The following NAE1 variants were observed in gnomAD, a reference collection of about 807,000 sequenced individuals.
NAE1 encodes the protein NEDD8-activating enzyme E1 regulatory subunit.
Under a neutral mutation model 88.0 loss-of-function variants are expected in NAE1, and 59 were observed. The ratio of observed to expected loss-of-function variants is 0.67; its 90% confidence interval spans 0.54 to 0.83. The LOEUF is 0.83. NAE1 is among the 40% of genes least tolerant of loss of function. The probability of loss-of-function intolerance (pLI) is 0.00; values close to 1 mark genes in which losing one functional copy is unlikely to be tolerated. For synonymous variants in NAE1, 186 were observed against 208.9 expected (o/e 0.89, Z 0.95); for missense variants, 554 against 632.8 (o/e 0.88, Z 1.34).
Position 66,826,672 on chromosome 16 carries a change from G to A in NAE1, c.157+5C>T, listed in dbSNP as rs772078070. On this transcript the variant is annotated splice_donor_5th_base_variant and intron_variant, in intron 2 of 19. Transcript: ENST00000290810. The stretch of plus-strand genomic sequence containing the variant: ...ATTTAGAACACAACCACAAACCTAC[G>A]TTACCTGGTAGTACCAAGTTTTTAA... 10 of 1,613,842 alleles carry A rather than the reference G, an allele frequency of 6.2e-6. No homozygotes were observed. Among genetic ancestry groups the A allele is most frequent in the South Asian group, 4.4e-5 (4 of 91,018 alleles).
At chr16:66,818,492 T>A in intron 8 of NAE1, 36 bp downstream of exon 8, 1 of 1,523,568 alleles carries the variant, frequency 6.6e-7, no homozygotes, top group Non-Finnish European at 8.9e-7. Flanking sequence ...ATGTTTTAAG[T>A]CTATCTGTAA....
chr16:66,808,639 A>G (rs766440475), intron 16 of NAE1, 26 bp from the exon 17 acceptor site: 1 of 1,470,512 alleles, frequency 6.8e-7, no homozygotes, highest in East Asian at 2.3e-5. Flanking sequence ...ATTTCAGTTT[A>G]ATTTGGTTAA....
chr16:66,806,472 T>C (rs1004657787), intron 17 of NAE1, among the ~76,000 whole-genome samples: 1 of 152,128 alleles, frequency 6.6e-6, no homozygotes, highest in Admixed American at 6.5e-5. Context: ...TTACCTAGGC[T>C]GGAGTGCAGT....
In NAE1 at chr16:66,830,904, G is replaced by C. The variant is rs747390722; in HGVS notation, c.-5C>G. ...CAGCTTTCCCAGCTGCGCCATGGCC[G>C]CGCCTGCCGCGCGGAAAACAGCCGA... On this transcript the variant is annotated 5_prime_UTR_variant, in exon 1 of 20. Coordinates refer to ENST00000290810, the MANE Select transcript of NAE1 (RefSeq NM_003905.4). 5 of 1,531,716 alleles carry C rather than the reference G, an allele frequency of 3.3e-6. No homozygotes were observed. Among genetic ancestry groups the C allele is most frequent in the East Asian group, 2.6e-5 (1 of 37,752 alleles). The allele number at this position is 1,531,716 out of a possible 1,614,324, so 94.9% of individuals were successfully genotyped here.
intron 9 of NAE1, 140 bp from the exon 10 acceptor site, chr16:66,817,168 GA>G: frequency 8.4e-7 from 1 of 1,184,864 alleles, no homozygotes; most frequent in South Asian, 1.6e-5. Context: ...TCACTTGATA[GA>G]AAACAGACAC....
intron 11 of NAE1, among the ~76,000 whole-genome samples, chr16:66,816,134 T>G (rs1335376860): frequency 6.6e-6 from 1 of 152,084 alleles, no homozygotes; most frequent in Non-Finnish European, 1.5e-5. Context: ...CCCCAAAAAC[T>G]TCAATGGTCA....
chr16:66,807,379 C>T (rs910307048), intron 17 of NAE1, among the ~76,000 whole-genome samples: 4 of 152,094 alleles, frequency 2.6e-5, no homozygotes, highest in South Asian at 2.1e-4. Flanking sequence ...GTGGCTCATG[C>T]GTGTAATCCC....
chr16:66,822,829 C>T (rs1960323814), intron 6 of NAE1, among the ~76,000 whole-genome samples: 1 of 149,898 alleles, frequency 6.7e-6, no homozygotes, highest in East Asian at 2.0e-4. Context: ...GCCACCACGC[C>T]CAGCTAATTT....
chr16:66,827,878 G>A, intron 1 of NAE1: 4 of 976,052 alleles, frequency 4.1e-6, no homozygotes, highest in Non-Finnish European at 6.2e-6. Flanking sequence ...TTGATACAGG[G>A]TCTTACTATG....
At chr16:66,820,221 A>C (rs1960194609) in intron 7 of NAE1, among the ~76,000 whole-genome samples, 1 of 152,212 alleles carries the variant, frequency 6.6e-6, no homozygotes, top group African/African-American at 2.4e-5. Flanking sequence ...CTCATAGTAA[A>C]AATGTTTTCT....
At chr16:66,826,821 T>C in intron 1 of NAE1, 41 bp from the exon 2 acceptor site, 2 of 1,544,668 alleles carry the variant, frequency 1.3e-6, no homozygotes, top group Non-Finnish European at 1.8e-6. Flanking sequence ...AAAACTTTCA[T>C]GAAAATACAG....
chr16:66,830,785 G>T, intron 1 of NAE1, 62 bp downstream of exon 1: 1 of 1,469,672 alleles, frequency 6.8e-7, no homozygotes, highest in Non-Finnish European at 9.1e-7. Context: ...CGCGCCCTTA[G>T]GCCCGGCCCG....
intron 1 of NAE1, among the ~76,000 whole-genome samples, chr16:66,828,308 T>A (rs1279184950): frequency 6.6e-6 from 1 of 151,364 alleles, no homozygotes; most frequent in African/African-American, 2.4e-5. Flanking sequence ...CTGGCCAACA[T>A]AGTGAAACCC....
At chr16:66,826,872 A>G in intron 1 of NAE1, 92 bp from the exon 2 acceptor site, 1 of 1,147,418 alleles carries the variant, frequency 8.7e-7, no homozygotes, top group Non-Finnish European at 1.3e-6. Context: ...TTCCTTGCAT[A>G]GACTGATATG....
intron 19 of NAE1, 69 bp from the exon 20 acceptor site, chr16:66,803,187 T>A: frequency 9.3e-7 from 1 of 1,075,738 alleles, no homozygotes; most frequent in Non-Finnish European, 1.4e-6. Context: ...CTCAATTCTG[T>A]AAAGAAACTT....
intron 1 of NAE1, among the ~76,000 whole-genome samples, chr16:66,830,400 G>A (rs934800254): frequency 6.6e-6 from 1 of 152,228 alleles, no homozygotes; most frequent in Non-Finnish European, 1.5e-5. Context: ...TTTACCTTTA[G>A]TGTGGTTACT....
chr16:66,803,434 A>G (rs974485901), intron 19 of NAE1, among the ~76,000 whole-genome samples: 24 of 152,240 alleles, frequency 1.6e-4, no homozygotes, highest in Admixed American at 6.5e-5. Context: ...GGAGAAAGGT[A>G]TATTTGTTCT....
intron 19 of NAE1, among the ~76,000 whole-genome samples, chr16:66,803,858 G>A (rs745608033): frequency 3.9e-5 from 6 of 152,018 alleles, no homozygotes; most frequent in Admixed American, 6.6e-5. Flanking sequence ...CTCCCAAAGC[G>A]GAGGCCTTAC....
intron 1 of NAE1, chr16:66,827,896 G>A: frequency 8.4e-7 from 1 of 1,197,570 alleles, no homozygotes; most frequent in Non-Finnish European, 1.2e-6. Flanking sequence ...ATGTTATCCA[G>A]ACTGGTCTTG....
Sources: gnomAD v4.1 joint callset for allele counts (sites outside exome capture counted in the v4.1 genomes callset) on GRCh38, gnomAD v4.1.1 for gene constraint, MANE v1.5 for transcripts, NCBI Gene and HGNC (gene_info 2026-07-23, HGNC 2026-07-21) for gene names.